Variants in CECR2 observed in about 807,000 individuals in gnomAD.
CECR2 encodes the protein chromatin remodeling regulator CECR2.
CECR2 carries 30 observed loss-of-function variants against 154.5 expected under a neutral mutation model. The ratio of observed to expected loss-of-function variants is 0.19; its 90% CI spans 0.15 to 0.26. CECR2 has a LOEUF of 0.26. Ranked by LOEUF, CECR2 falls within the 10% of genes least tolerant of loss-of-function variation. The probability of loss-of-function intolerance (pLI) is 1.00; values close to 1 mark genes in which losing one functional copy is unlikely to be tolerated. For synonymous variants in CECR2, 725 were observed against 683.7 expected (o/e 1.06, Z -0.94); for missense variants, 1,743 against 1,829.3 (o/e 0.95, Z 0.86).
At chr22:17,394,473 C>T (rs1005796925) in intron 1 of CECR2, among the ~76,000 whole-genome samples, 3 of 151,948 alleles carry the variant, frequency 2.0e-5, no homozygotes, top group Non-Finnish European at 4.4e-5. Context: ...TTTTCTAAAG[C>T]TTTGAGCGTG....
intron 2 of CECR2, among the ~76,000 whole-genome samples, chr22:17,488,062 AGTAG>A (rs2055455851): frequency 6.6e-6 from 1 of 152,022 alleles, no homozygotes; most frequent in Non-Finnish European, 1.5e-5. Flanking sequence ...TTGTATTTTT[AGTAG>A]AGACAGCGTT....
chr22:17,549,617 A>G (rs2056675356), intron 17 of CECR2, 53 bp downstream of exon 17: 6 of 1,393,926 alleles, frequency 4.3e-6, no homozygotes, highest in Non-Finnish European at 5.8e-6. Flanking sequence ...TGTTTATTTT[A>G]TGTATTTATT....
intron 7 of CECR2, among the ~76,000 whole-genome samples, chr22:17,507,847 T>C (rs2055874805): frequency 6.6e-6 from 1 of 152,198 alleles, no homozygotes; most frequent in Non-Finnish European, 1.5e-5. Context: ...AAGAATAGTA[T>C]AGTAAGAAAA....
At position 17,524,927 on chromosome 22, in the gene CECR2, A is replaced by G. The variant is rs568700659; in HGVS notation, c.1108+656A>G. 3.3e-4 allele frequency: 131 copies of G among 393,540 alleles called. 2 individuals are homozygous for G. The highest frequency in any genetic ancestry group is 2.2e-3 in the South Asian group (126 of 57,244). 24.4% of individuals were successfully genotyped at this position (393,540 alleles called of 1,614,324 possible). A position where few individuals can be genotyped will look rare whatever the true frequency, so the allele number is the denominator to read the frequency against. On this transcript the variant is annotated intron_variant, in intron 9 of 18. Coordinates refer to ENST00000262608, the MANE Select transcript of CECR2 (RefSeq NM_001290047.2). ...AATGATCTTGCCGCCTCGGCCTCCC[A>G]AAGTGCTGGGATTACAGGCGTGAGC...
upstream of CECR2, among the ~76,000 whole-genome samples, chr22:17,366,803 G>A (rs1373574450): frequency 6.6e-6 from 1 of 152,128 alleles, no homozygotes; most frequent in African/African-American, 2.4e-5. Context: ...GCCCAAACTC[G>A]GGGAACTCAA....
At chr22:17,458,717 A>G (rs1392722086) in intron 1 of CECR2, among the ~76,000 whole-genome samples, 1 of 152,182 alleles carries the variant, frequency 6.6e-6, no homozygotes, top group Non-Finnish European at 1.5e-5. Flanking sequence ...GGAAGAATTA[A>G]AGCTACAGGG....
intron 2 of CECR2, among the ~76,000 whole-genome samples, chr22:17,491,686 G>C (rs1433779564): frequency 6.6e-6 from 1 of 151,048 alleles, no homozygotes; most frequent in Non-Finnish European, 1.5e-5. Context: ...CCTTATACAT[G>C]ATACTTGAGA....
Position 17,382,059 on chromosome 22 carries a change from T to G in CECR2, c.126+12150T>G, listed in dbSNP as rs532332385. ...CCTGCCACCACGCCCTGCTAATTTT[T>G]TTTTTTTTTTTTAGTAGGGACGAGG... On this transcript the variant is annotated intron_variant, in intron 1 of 18. Transcript: ENST00000262608. Among the ~76,000 whole-genome samples, 30 of 149,698 alleles carry G rather than the reference T, an allele frequency of 2.0e-4. No individual in the cohort carries two copies. In the South Asian group the frequency reaches 6.1e-3, roughly 31 times the overall value.
intron 14 of CECR2, among the ~76,000 whole-genome samples, chr22:17,541,084 A>T (rs1003861): frequency 6.6e-6 from 1 of 151,996 alleles, no homozygotes; most frequent in African/African-American, 2.4e-5. Context: ...GTGTCTAGCC[A>T]TTCCTTTATT....
chr22:17,549,619 GTATT>G, intron 17 of CECR2, 55 bp downstream of exon 17: 1 of 1,394,986 alleles, frequency 7.2e-7, no homozygotes, highest in Non-Finnish European at 9.7e-7. Context: ...TTTATTTTAT[GTATT>G]TATTTTTGAG....
chr22:17,378,602 T>G (rs2063148653), intron 1 of CECR2, among the ~76,000 whole-genome samples: 1 of 152,220 alleles, frequency 6.6e-6, no homozygotes, highest in Non-Finnish European at 1.5e-5. Context: ...TTAAGATGTT[T>G]AGCAGTATTG....
chr22:17,538,826 AC>A (rs1156702186), intron 12 of CECR2, 95 bp downstream of exon 12: 76 of 1,305,190 alleles, frequency 5.8e-5, no homozygotes, highest in Non-Finnish European at 7.9e-5. Flanking sequence ...ATATTTTGAT[AC>A]GTTTTTCTTT....
chr22:17,547,141 A>T (rs2056627464), intron 16 of CECR2, among the ~76,000 whole-genome samples: 1 of 152,036 alleles, frequency 6.6e-6, no homozygotes, highest in Non-Finnish European at 1.5e-5. Flanking sequence ...TTTAGGTCGA[A>T]TAGTAAGTTA....
chr22:17,449,413 C>T (rs1469568169), intron 1 of CECR2, among the ~76,000 whole-genome samples: 2 of 151,592 alleles, frequency 1.3e-5, no homozygotes, highest in African/African-American at 4.9e-5. Flanking sequence ...CCACTATTCA[C>T]CTAACTAAGA....
rs564670485 is a variant in CECR2, at chr22:17,547,316, G to A, written c.2861-832G>A. 1.2e-3 allele frequency among the ~76,000 whole-genome samples: 181 copies of A among 151,414 alleles called. 1 individual carries two copies. The highest frequency in any genetic ancestry group is 4.2e-3 in the African/African-American group (172 of 41,298). ...ACAATCTTGGCTCACTACAATCTCC[G>A]CCTCCTGGGTTCACGCCATTCTCCT... On this transcript the variant is annotated intron_variant, in intron 16 of 18. Transcript: ENST00000262608.
intron 1 of CECR2, among the ~76,000 whole-genome samples, chr22:17,420,417 AC>A (rs1486248003): frequency 6.6e-6 from 1 of 152,026 alleles, no homozygotes; most frequent in African/African-American, 2.4e-5. Flanking sequence ...GTATTTGGGG[AC>A]CCTGTTCCTT....
intron 2 of CECR2, among the ~76,000 whole-genome samples, chr22:17,482,339 G>A (rs1334592820): frequency 6.6e-6 from 1 of 151,932 alleles, no homozygotes; most frequent in Non-Finnish European, 1.5e-5. Flanking sequence ...CAGGAGAATG[G>A]CGTGAACCCA....
intron 1 of CECR2, among the ~76,000 whole-genome samples, chr22:17,450,444 T>G (rs965497618): frequency 6.6e-6 from 1 of 152,178 alleles, no homozygotes; most frequent in African/African-American, 2.4e-5. Flanking sequence ...CTAATTTTTG[T>G]ATTTTTAGTA....
intron 1 of CECR2, chr22:17,419,614 T>C: frequency 6.0e-6 from 2 of 333,060 alleles, no homozygotes; most frequent in Non-Finnish European, 1.2e-5. Context: ...AGGTGGGAGC[T>C]GCCATTATGA....
Sources: allele counts gnomAD v4.1 joint callset (sites outside exome capture counted in the v4.1 genomes callset), GRCh38; gene constraint gnomAD v4.1.1; transcripts MANE v1.5; gene names NCBI Gene and HGNC (gene_info 2026-07-23, HGNC 2026-07-21).